Variants in ZNF471 observed in about 807,000 individuals in gnomAD.
ZNF471 encodes the protein EZFIT-related protein 1.
ZNF471 carries 7 observed loss-of-function variants against 13.7 expected under a neutral mutation model. The observed-to-expected ratio is 0.51, with a 90% CI of 0.29 to 0.96. The LOEUF is 0.96. Among genes scored for constraint, ZNF471 ranks in the 40% least tolerant of loss-of-function variants. ZNF471 has a pLI of 0.08. For missense variants in ZNF471, 663 were observed against 743.3 expected (o/e 0.89, Z 1.26); for synonymous variants, 218 against 235.6 (o/e 0.93, Z 0.68).
rs944228345 is a variant in ZNF471 at position 56,508,332 on chromosome 19, A to T, written c.-56+412A>T. On this transcript the variant is annotated intron_variant, in intron 1 of 4. Transcript: ENST00000308031. This position sits in a 1 kb window ranked among gnomAD's most constrained non-coding sequence, Gnocchi z 4.7. ...GACGGGCCAGTGTGAGAGACCAGTG[A>T]GTGTGAGAGAGATAGGGATGTGCCT... is the stretch of plus-strand genomic sequence containing the variant. Among the ~76,000 whole-genome samples the T allele has an allele frequency of 6.6e-6, 1 of 151,572 alleles. No homozygotes were observed. The highest frequency in any genetic ancestry group is 2.4e-5 in the African/African-American group (1 of 41,162).
chr19:56,528,448 T>C lies in ZNF471; in HGVS notation c.*2500T>C, dbSNP rs2044072990. On this transcript the variant is annotated 3_prime_UTR_variant, in exon 5 of 5. Transcript: ENST00000308031. ...AAAAAAAAGTTTTAAATGGTGTCTT[T>C]CTATGTTGCCCAGGGTGGTCTCAAA... 6.6e-6 allele frequency: 1 copy of C among 152,166 alleles called. No homozygotes were observed. The highest frequency in any genetic ancestry group is 1.5e-5 in the Non-Finnish European group (1 of 68,022). The allele number at this position is 152,166 out of a possible 1,614,324, so 9.4% of individuals were successfully genotyped here.
Position 56,524,812 on chromosome 19 carries a change from C to T in ZNF471, c.745C>T (p.Leu249Phe), listed in dbSNP as rs2147929099. ...CGKAFKQRQH[L>F]AQHHRTHTGE... ...AAAAGCCTTCAAGCAAAGGCAACACCTTGCTCAACATCACAGAACACATAC... is the reference window on the plus strand; with the variant it reads ...AAAAGCCTTCAAGCAAAGGCAACACTTTGCTCAACATCACAGAACACATAC... The change falls in exon 5 of 5, where the codon CTT (leucine) becomes TTT (phenylalanine). Residue 249 changes from leucine to phenylalanine, a missense_variant. Coordinates refer to ENST00000308031, the MANE Select transcript of ZNF471 (RefSeq NM_020813.4). The surrounding 1 kb of genome is among the most constrained non-coding windows in gnomAD (Gnocchi z 4.8). The T allele has an allele frequency of 6.2e-7, 1 of 1,613,062 alleles. No homozygotes were observed. The highest frequency in any genetic ancestry group is 1.1e-5 in the South Asian group (1 of 90,772).
chr19:56,511,044 A>C, intron 1 of ZNF471: 1 of 975,966 alleles, frequency 1.0e-6, no homozygotes, highest in Non-Finnish European at 1.2e-6. Flanking sequence ...AAGAAGGAGG[A>C]TAACCCTGGC....
intron 2 of ZNF471, 61 bp downstream of exon 2, chr19:56,511,665 A>G: frequency 7.7e-7 from 1 of 1,298,738 alleles, no homozygotes; most frequent in African/African-American, 1.5e-5. Context: ...ACTTTTTGTA[A>G]TGCTTCTTTT....
chr19:56,515,798 G>A (rs2147911915), intron 2 of ZNF471, among the ~76,000 whole-genome samples: 1 of 152,172 alleles, frequency 6.6e-6, no homozygotes, highest in South Asian at 2.1e-4. Flanking sequence ...CTGCAACTGT[G>A]GGTTCTACCA....
chr19:56,525,794 G>A lies in ZNF471; in HGVS notation c.1727G>A (p.Cys576Tyr), dbSNP rs1177337779. 6.2e-7 allele frequency: 1 copy of A among 1,614,190 alleles called. No individual in the cohort carries two copies. Among genetic ancestry groups the A allele is most frequent in the Non-Finnish European group, 8.5e-7 (1 of 1,180,032 alleles). The stretch of plus-strand genomic sequence containing the variant: ...GAGAAACCCTATAAATGTACTGAAT[G>A]TGGAAAGGCTTTTAGTGATAGCTCA... Reference protein sequence around the residue: ...TGEKPYKCTECGKAFSDSSSC... With the variant: ...TGEKPYKCTEYGKAFSDSSSC... The change falls in exon 5 of 5, where the codon TGT (cysteine) becomes TAT (tyrosine). Residue 576 changes from cysteine to tyrosine, a missense_variant. Coordinates refer to ENST00000308031, the MANE Select transcript of ZNF471 (RefSeq NM_020813.4).
At chr19:56,518,405 C>A in intron 3 of ZNF471, 77 bp from the exon 4 acceptor site, 1 of 1,071,648 alleles carries the variant, frequency 9.3e-7, no homozygotes, top group Non-Finnish European at 1.4e-6. Flanking sequence ...ATCATTCCAC[C>A]AGAATTAAGG....
intron 1 of ZNF471, chr19:56,509,849 A>T: frequency 5.1e-6 from 5 of 985,098 alleles, no homozygotes; most frequent in Non-Finnish European, 6.0e-6. Context: ...TGAGTGTGTT[A>T]TCAGGGACTG....
At position 56,510,347 on chromosome 19, in the gene ZNF471, G is replaced by A. The variant is rs909022380; in HGVS notation, c.-55-1170G>A. Reference sequence around the variant, plus strand: ...GAGGGAGAGAAAGACTAGTGATGTGGTTGTGTGAGAGACCAAAATGGGTGA... The same window carrying A: ...GAGGGAGAGAAAGACTAGTGATGTGATTGTGTGAGAGACCAAAATGGGTGA... On this transcript the variant is annotated intron_variant, in intron 1 of 4. Coordinates refer to ENST00000308031, the MANE Select transcript of ZNF471 (RefSeq NM_020813.4). The surrounding 1 kb of genome is among the most constrained non-coding windows in gnomAD (Gnocchi z 4.3). 14 of 985,354 alleles carry A rather than the reference G, an allele frequency of 1.4e-5. No homozygotes were observed. The African/African-American group carries it at 2.1e-4, about 15-fold the overall frequency. 61.0% of individuals were successfully genotyped at this position (985,354 alleles called of 1,614,324 possible).
chr19:56,518,628 C>T (rs1393463705), intron 4 of ZNF471, 51 bp downstream of exon 4: 3 of 1,491,276 alleles, frequency 2.0e-6, no homozygotes, highest in Non-Finnish European at 2.8e-6. Flanking sequence ...AATGGCTCAG[C>T]CATTTTTAGA....
Position 56,525,795 on chromosome 19 carries a change from T to C in ZNF471, c.1728T>C (p.Cys576=). 1 of 1,614,168 alleles carries C rather than the reference T, an allele frequency of 6.2e-7. No individual in the cohort carries two copies. The highest frequency in any genetic ancestry group is 1.3e-5 in the African/African-American group (1 of 75,044). ...TGEKPYKCTE[C]GKAFSDSSSC... ...AGAAACCCTATAAATGTACTGAATG[T>C]GGAAAGGCTTTTAGTGATAGCTCAT... The change falls in exon 5 of 5, where the codon TGT becomes TGC. Residue 576 remains cysteine, a synonymous_variant. Transcript: ENST00000308031.
chr19:56,510,200 A>G lies in ZNF471; in HGVS notation c.-55-1317A>G. The G allele has an allele frequency of 1.0e-6, 1 of 985,472 alleles. No homozygotes were observed. The allele number at this position is 985,472 out of a possible 1,614,324, so 61.0% of individuals were successfully genotyped here. A position where few individuals can be genotyped will look rare whatever the true frequency, so the allele number is the denominator to read the frequency against. ...CATGAGATAAAGCAGTTGGAATATG[A>G]GAGATCAGAGTGTGTTTGTGTATCT... On this transcript the variant is annotated intron_variant, in intron 1 of 4. Coordinates refer to ENST00000308031, the MANE Select transcript of ZNF471 (RefSeq NM_020813.4). The surrounding 1 kb of genome is among the most constrained non-coding windows in gnomAD (Gnocchi z 4.3).
intron 3 of ZNF471, 120 bp from the exon 4 acceptor site, chr19:56,518,362 T>C: frequency 1.4e-6 from 1 of 725,342 alleles, no homozygotes; most frequent in East Asian, 2.8e-5. Context: ...GTCCTTCAGA[T>C]GTGCTTTATC....
At position 56,525,644 on chromosome 19, in the gene ZNF471, A is replaced by G; in HGVS notation, c.1577A>G (p.Gln526Arg). Residue 526 changes from glutamine to arginine, a missense_variant, in exon 5 of 5, where the codon CAG (glutamine) becomes CGG (arginine). Physicochemically the swap from Gln to Arg is conservative, Grantham distance 43. Coordinates refer to ENST00000308031, the MANE Select transcript of ZNF471 (RefSeq NM_020813.4). ...ATTGAATGTGGAAATGCTTTCAAAC[A>G]GAGATCACACCTTGCCCAACATCAG... The part of the protein sequence containing the change: ...ECIECGNAFK[Q>R]RSHLAQHQKT... 6.2e-7 allele frequency: 1 copy of G among 1,614,156 alleles called. No individual in the cohort carries two copies. Among genetic ancestry groups the G allele is most frequent in the Non-Finnish European group, 8.5e-7 (1 of 1,180,024 alleles).
Position 56,508,580 on chromosome 19 carries a change from G to T in ZNF471, c.-56+660G>T, listed in dbSNP as rs2043766883. Reference sequence around the variant, plus strand: ...GTGGGTGAGGCTCAATGAGAGGCCGGTGTGTGTTCGAGAGAGAGAAGAATC... The same window carrying T: ...GTGGGTGAGGCTCAATGAGAGGCCGTTGTGTGTTCGAGAGAGAGAAGAATC... On this transcript the variant is annotated intron_variant, in intron 1 of 4. Transcript: ENST00000308031. This position sits in a 1 kb window ranked among gnomAD's most constrained non-coding sequence, Gnocchi z 4.7. Among the ~76,000 whole-genome samples the T allele has an allele frequency of 6.6e-6, 1 of 152,022 alleles. No homozygotes were observed. Among genetic ancestry groups the T allele is most frequent in the Non-Finnish European group, 1.5e-5 (1 of 67,998 alleles).
At chr19:56,519,597 A>G (rs962837945) in intron 4 of ZNF471, among the ~76,000 whole-genome samples, 6 of 152,218 alleles carry the variant, frequency 3.9e-5, no homozygotes, top group African/African-American at 1.4e-4. Flanking sequence ...AGAAAAGGGC[A>G]TATCAATATA....
intron 2 of ZNF471, among the ~76,000 whole-genome samples, chr19:56,513,475 T>C (rs948825474): frequency 6.7e-6 from 1 of 148,578 alleles, no homozygotes; most frequent in Non-Finnish European, 1.5e-5. Context: ...TGACACTGTT[T>C]TATATGTCAC....
At chr19:56,519,440 A>G (rs2043938370) in intron 4 of ZNF471, among the ~76,000 whole-genome samples, 3 of 152,134 alleles carry the variant, frequency 2.0e-5, no homozygotes, top group African/African-American at 7.2e-5. Flanking sequence ...TAACCACCTT[A>G]TGTGATGAAC....
rs1015766981 is a variant in ZNF471, at chr19:56,516,567, G to T, written c.160+166G>T. 1.3e-5 allele frequency among the ~76,000 whole-genome samples: 2 copies of T among 152,174 alleles called. No individual in the cohort carries two copies. Among genetic ancestry groups the T allele is most frequent in the Non-Finnish European group, 2.9e-5 (2 of 68,032 alleles). ...AGAAAACTTGAGATTTAGAGTTAGT[G>T]AATTTGGAGAATATCAAATATTCCA... On this transcript the variant is annotated intron_variant, in intron 3 of 4. Transcript: ENST00000308031. The surrounding 1 kb of genome is among the most constrained non-coding windows in gnomAD (Gnocchi z 4.4).
Sources: allele counts gnomAD v4.1 joint callset (sites outside exome capture counted in the v4.1 genomes callset), GRCh38; gene constraint gnomAD v4.1.1; non-coding constraint Gnocchi (gnomAD v3.1); transcripts MANE v1.5; gene names NCBI Gene and HGNC (gene_info 2026-07-23, HGNC 2026-07-21).